Variants in PTPRD observed in about 807,000 individuals in gnomAD.
PTPRD encodes the protein protein tyrosine phosphatase receptor type D, also known as receptor-type tyrosine-protein phosphatase delta.
Under a neutral mutation model 214.5 loss-of-function variants are expected in PTPRD, and 34 were observed. The ratio of observed to expected loss-of-function variants is 0.16; its 90% CI spans 0.12 to 0.21. The LOEUF (loss-of-function observed/expected upper bound fraction) is 0.21, where lower values mean the gene tolerates loss of function less well. Ranked by LOEUF, PTPRD falls within the 10% of genes least tolerant of loss-of-function variation. The probability of loss-of-function intolerance (pLI) is 1.00; values close to 1 mark genes in which losing one functional copy is unlikely to be tolerated. For synonymous variants in PTPRD, 1,128 were observed against 845.7 expected (o/e 1.33, Z -5.79); for missense variants, 2,545 against 2,398.7 (o/e 1.06, Z -1.27).
intron 4 of PTPRD, among the ~76,000 whole-genome samples, chr9:9,957,764 G>T (rs1325568850): frequency 6.6e-6 from 1 of 152,068 alleles, no homozygotes; most frequent in Non-Finnish European, 1.5e-5. Context: ...TTGGAAGACT[G>T]TCACAACCTG....
intron 7 of PTPRD, among the ~76,000 whole-genome samples, chr9:9,676,588 C>G (rs2096935433): frequency 6.6e-6 from 1 of 152,032 alleles, no homozygotes; most frequent in South Asian, 2.1e-4. Flanking sequence ...AATAAACATA[C>G]ATGTGCATGT....
chr9:8,804,918 T>C (rs2096645399), intron 11 of PTPRD, among the ~76,000 whole-genome samples: 1 of 152,202 alleles, frequency 6.6e-6, no homozygotes, highest in South Asian at 2.1e-4. Context: ...TCCTGGGCTT[T>C]CTAAATTTGA....
At position 8,660,680 on chromosome 9, in the gene PTPRD, T is replaced by G. The variant is rs571819934; in HGVS notation, c.65-23836A>C. ...GACTTGTTCTTTCTTCTGCAATGAC[T>G]TCACATACTCTGCATTTGGTCCTGC... On this transcript the variant is annotated intron_variant, in intron 12 of 45. Coordinates refer to ENST00000381196, the MANE Select transcript of PTPRD (RefSeq NM_002839.4). Among the ~76,000 whole-genome samples, 3 of 152,246 alleles carry G rather than the reference T, an allele frequency of 2.0e-5. No individual in the cohort carries two copies. The South Asian group carries it at 6.2e-4, about 32-fold the overall frequency.
intron 3 of PTPRD, among the ~76,000 whole-genome samples, chr9:10,141,109 A>G (rs2098981584): frequency 6.6e-6 from 1 of 152,144 alleles, no homozygotes; most frequent in African/African-American, 2.4e-5. Flanking sequence ...TCAAAATAAT[A>G]AGAGCTATCT....
chr9:9,612,901 T>G (rs2094591689), intron 7 of PTPRD, among the ~76,000 whole-genome samples: 1 of 151,860 alleles, frequency 6.6e-6, no homozygotes, highest in South Asian at 2.1e-4. Context: ...AAAACAATAC[T>G]GAGATATTTT....
At chr9:9,345,623 A>C (rs760829355) in intron 9 of PTPRD, among the ~76,000 whole-genome samples, 3 of 152,154 alleles carry the variant, frequency 2.0e-5, no homozygotes, top group Non-Finnish European at 4.4e-5. Flanking sequence ...GTCATCCCAT[A>C]TGGCTAGATT....
At chr9:10,549,055 T>C (rs769701276) in intron 2 of PTPRD, among the ~76,000 whole-genome samples, 6 of 152,182 alleles carry the variant, frequency 3.9e-5, no homozygotes, top group Non-Finnish European at 7.4e-5. Context: ...TTTTGTTCAA[T>C]TCAAAAGGAA....
chr9:8,750,344 G>A (rs182232141), intron 11 of PTPRD, among the ~76,000 whole-genome samples: 1,842 of 151,938 alleles, frequency 0.012, 34 homozygotes, highest in African/African-American at 0.042. Flanking sequence ...TTTTAGTAGC[G>A]ACAGGGTTTT....
At chr9:9,391,140 A>C (rs2065706239) in intron 9 of PTPRD, among the ~76,000 whole-genome samples, 1 of 144,018 alleles carries the variant, frequency 6.9e-6, no homozygotes. Context: ...TGGAGGGTTT[A>C]TGATCAGGGA....
chr9:8,513,275 A>G (rs72694761), intron 21 of PTPRD, among the ~76,000 whole-genome samples: 13,626 of 152,098 alleles, frequency 0.09, 807 homozygotes, highest in Middle Eastern at 0.14. Context: ...CTCTGACTGT[A>G]AAACAGACAG....
intron 5 of PTPRD, among the ~76,000 whole-genome samples, chr9:9,816,597 A>C (rs1284233853): frequency 6.6e-6 from 1 of 152,072 alleles, no homozygotes; most frequent in African/African-American, 2.4e-5. Context: ...ACATATTTAA[A>C]GTAATATTTT....
intron 2 of PTPRD, among the ~76,000 whole-genome samples, chr9:10,474,439 G>C (rs1240515402): frequency 6.6e-6 from 1 of 151,908 alleles, no homozygotes; most frequent in Admixed American, 6.6e-5. Context: ...AGAAGAGCTA[G>C]CTATCCTAAA....
At chr9:10,097,624 T>C (rs188670030) in intron 3 of PTPRD, among the ~76,000 whole-genome samples, 2,073 of 151,876 alleles carry the variant, frequency 0.014, 31 homozygotes, top group Admixed American at 0.029. Flanking sequence ...CTTATCAGCT[T>C]AAGGAGATTT....
chr9:8,395,220 C>A (rs950119961), intron 36 of PTPRD, among the ~76,000 whole-genome samples: 1 of 152,162 alleles, frequency 6.6e-6, no homozygotes, highest in African/African-American at 2.4e-5. Context: ...AGCACAAAAG[C>A]TACCTTTCAT....
At chr9:8,581,069 A>G (rs1013895206) in intron 14 of PTPRD, among the ~76,000 whole-genome samples, 3 of 152,160 alleles carry the variant, frequency 2.0e-5, no homozygotes, top group African/African-American at 7.2e-5. Context: ...AGTTCAATTA[A>G]TTGGTTTGGT....
intron 11 of PTPRD, among the ~76,000 whole-genome samples, chr9:8,828,596 T>A (rs2097219892): frequency 6.6e-6 from 1 of 152,172 alleles, no homozygotes; most frequent in Non-Finnish European, 1.5e-5. Flanking sequence ...AGTAGTACTC[T>A]AAGGCAGGCA....
intron 2 of PTPRD, among the ~76,000 whole-genome samples, chr9:10,480,453 T>C (rs932844971): frequency 6.6e-6 from 1 of 152,150 alleles, no homozygotes; most frequent in Non-Finnish European, 1.5e-5. Flanking sequence ...GTCAATGCAA[T>C]GTTACAAACG....
chr9:9,296,010 T>G (rs76194348), intron 9 of PTPRD, among the ~76,000 whole-genome samples: 1 of 151,830 alleles, frequency 6.6e-6, no homozygotes, highest in South Asian at 2.1e-4. Context: ...TCAGGTTTTT[T>G]GTTTGTTTGT....
chr9:8,413,985 A>G (rs528477743), intron 35 of PTPRD, among the ~76,000 whole-genome samples: 6 of 152,236 alleles, frequency 3.9e-5, no homozygotes, highest in African/African-American at 1.4e-4. Context: ...GAACACTGCT[A>G]TGGGGTTGTG....
Sources: allele counts gnomAD v4.1 joint callset (sites outside exome capture counted in the v4.1 genomes callset), GRCh38; gene constraint gnomAD v4.1.1; transcripts MANE v1.5; gene names NCBI Gene and HGNC (gene_info 2026-07-23, HGNC 2026-07-21).